Variants in LGALS14 observed in about 807,000 individuals in gnomAD.
LGALS14 encodes the protein placental protein 13-like.
A neutral mutation model predicts 14.6 loss-of-function variants in LGALS14; 14 were observed. The ratio of observed to expected loss-of-function variants is 0.96; its 90% CI spans 0.64 to 1.50. The LOEUF is 1.50. LGALS14 is among the 40% of genes most tolerant of loss of function. LGALS14 has a pLI of 0.00. For missense variants in LGALS14, 180 were observed against 172.0 expected (o/e 1.05, Z -0.26); for synonymous variants, 57 against 63.9 (o/e 0.89, Z 0.51).
rs570737997 is a variant in LGALS14, at chr19:39,709,299, C to A, written c.406C>A (p.Leu136Ile). ...VFRDISLTRV[L>I]ISD is the part of the protein sequence containing the mutation. ...CAGAGATATCTCCCTGACCAGAGTG[C>A]TTATCAGCGATTGAGGGAGATGATC... is the stretch of plus-strand genomic sequence containing the variant. Residue 136 changes from leucine (L) to isoleucine (I), a missense_variant, in exon 4 of 4, where the codon CTT becomes ATT. Transcript: ENST00000392052. 2.8e-5 allele frequency: 45 copies of A among 1,583,248 alleles called. No homozygotes were observed. In the East Asian group the frequency reaches 9.6e-4, roughly 34 times the overall value.
chr19:39,704,525 A>G lies in LGALS14; in HGVS notation c.-4A>G. The G allele has an allele frequency of 6.2e-7, 1 of 1,613,758 alleles. No homozygotes were observed. The highest frequency in any genetic ancestry group is 1.1e-5 in the South Asian group (1 of 91,060). ...TCCGAAGAGCTGCCCAGAAGGAGAG[A>G]ACAATGTCATCACTACCCGTGAGTT... On this transcript the variant is annotated 5_prime_UTR_variant, in exon 1 of 4. Coordinates refer to ENST00000392052, the MANE Select transcript of LGALS14 (RefSeq NM_020129.3).
intron 3 of LGALS14, among the ~76,000 whole-genome samples, chr19:39,708,785 G>C (rs1973755408): frequency 6.6e-6 from 1 of 152,180 alleles, no homozygotes; most frequent in Non-Finnish European, 1.5e-5. Flanking sequence ...TGTGCCATCA[G>C]TAGTGAAAGG....
At chr19:39,707,942 C>G (rs184197405) in intron 3 of LGALS14, among the ~76,000 whole-genome samples, 11 of 151,940 alleles carry the variant, frequency 7.2e-5, no homozygotes, top group African/African-American at 2.2e-4. Flanking sequence ...CCCAAGTAGC[C>G]GGAATTACAG....
intron 3 of LGALS14, among the ~76,000 whole-genome samples, chr19:39,708,930 T>C (rs1973757393): frequency 6.6e-6 from 1 of 152,088 alleles, no homozygotes; most frequent in South Asian, 2.1e-4. Flanking sequence ...ATCTTCCAGG[T>C]TGGAAGGGAG....
Position 39,707,190 on chromosome 19 carries a change from G to A in LGALS14, c.105G>A (p.Gln35=). ...TPILTFVKDP[Q]LEVNFYTGMD... ...GCTTTGACCTCAGCAAGGACCCACAGCTGGAGGTGAATTTCTACACTGGGA... is the reference window on the plus strand; with the variant it reads ...GCTTTGACCTCAGCAAGGACCCACAACTGGAGGTGAATTTCTACACTGGGA... Residue 35 remains glutamine, a synonymous_variant, in exon 3 of 4, where the codon CAG becomes CAA. Coordinates refer to ENST00000392052, the MANE Select transcript of LGALS14 (RefSeq NM_020129.3). 1 of 1,613,916 alleles carries A rather than the reference G, an allele frequency of 6.2e-7. No individual in the cohort carries two copies. Among genetic ancestry groups the A allele is most frequent in the Non-Finnish European group, 8.5e-7 (1 of 1,179,836 alleles).
Position 39,709,291 on chromosome 19 carries a change from C to G in LGALS14, c.398C>G (p.Thr133Ser). 1 of 1,598,284 alleles carries G rather than the reference C, an allele frequency of 6.3e-7. No individual in the cohort carries two copies. The highest frequency in any genetic ancestry group is 8.6e-7 in the Non-Finnish European group (1 of 1,165,690). Residue 133 changes from threonine (T) to serine (S), a missense_variant, in exon 4 of 4, where the codon ACC becomes AGC. Coordinates refer to ENST00000392052, the MANE Select transcript of LGALS14 (RefSeq NM_020129.3). The stretch of plus-strand genomic sequence containing the variant: ...CAAGTCTTCAGAGATATCTCCCTGA[C>G]CAGAGTGCTTATCAGCGATTGAGGG... ...MLQVFRDISL[T>S]RVLISD
intron 3 of LGALS14, among the ~76,000 whole-genome samples, chr19:39,708,267 G>A (rs543812301): frequency 2.6e-5 from 4 of 152,078 alleles, no homozygotes; most frequent in African/African-American, 4.8e-5. Context: ...ATCAATCCAC[G>A]GTGCCGCTTC....
chr19:39,706,797 T>A, intron 2 of LGALS14, 124 bp downstream of exon 2: 1 of 836,904 alleles, frequency 1.2e-6, no homozygotes, highest in Middle Eastern at 2.3e-4. Context: ...CTCATGCAAG[T>A]GCAGGCCCTG....
intron 1 of LGALS14, 36 bp from the exon 2 acceptor site, chr19:39,706,561 C>T: frequency 1.3e-6 from 2 of 1,523,558 alleles, no homozygotes; most frequent in South Asian, 1.1e-5. Context: ...TTACACCTTA[C>T]CCTTTAGCTC....
chr19:39,706,624 C>T lies in LGALS14; in HGVS notation c.43C>T (p.Pro15Ser), dbSNP rs1973718110. The change falls in exon 2 of 4, where the codon CCT becomes TCT. Residue 15 changes from proline to serine, a missense_variant. Coordinates refer to ENST00000392052, the MANE Select transcript of LGALS14 (RefSeq NM_020129.3). ...ACCATACACACTGCCTGTTTCCTTG[C>T]CTGTTGGTTCGTGCGTGATAATCAC... ...PVPYTLPVSL[P>S]VGSCVIITGT... The T allele has an allele frequency of 6.2e-7, 1 of 1,613,878 alleles. No individual in the cohort carries two copies. Among genetic ancestry groups the T allele is most frequent in the African/African-American group, 1.3e-5 (1 of 74,918 alleles).
Position 39,707,191 on chromosome 19 carries a change from C to T in LGALS14, c.106C>T (p.Leu36=), listed in dbSNP as rs778890305. The change falls in exon 3 of 4, where the codon CTG becomes TTG. Residue 36 remains leucine (L), a synonymous_variant. Coordinates refer to ENST00000392052, the MANE Select transcript of LGALS14 (RefSeq NM_020129.3). The stretch of plus-strand genomic sequence containing the variant: ...CTTTGACCTCAGCAAGGACCCACAG[C>T]TGGAGGTGAATTTCTACACTGGGAT... ...PILTFVKDPQ[L]EVNFYTGMDE... is the part of the protein sequence containing the mutation. 3 of 1,613,828 alleles carry T rather than the reference C, an allele frequency of 1.9e-6. No individual in the cohort carries two copies. Among genetic ancestry groups the T allele is most frequent in the Non-Finnish European group, 2.5e-6 (3 of 1,179,768 alleles).
rs1973766404 is a variant in LGALS14, at chr19:39,709,433, A to G, written c.*120A>G. On this transcript the variant is annotated 3_prime_UTR_variant, in exon 4 of 4. Transcript: ENST00000392052. ...CCTTCCCCTACACTTGATCATTAAA[A>G]CAGCACCAAACTTCACATGATTGGT... 1 of 641,986 alleles carries G rather than the reference A, an allele frequency of 1.6e-6. No homozygotes were observed. Among genetic ancestry groups the G allele is most frequent in the African/African-American group, 1.8e-5 (1 of 55,226 alleles). The allele number at this position is 641,986 out of a possible 1,614,324, so 39.8% of individuals were successfully genotyped here. A position where few individuals can be genotyped will look rare whatever the true frequency, so the allele number is the denominator to read the frequency against.
chr19:39,705,778 G>C (rs371441994), intron 1 of LGALS14: 1 of 1,115,870 alleles, frequency 9.0e-7, no homozygotes, highest in African/African-American at 1.5e-5. Flanking sequence ...CCAGGAGTTC[G>C]ATGTTTCAGT....
rs139087297 is a variant in LGALS14, at chr19:39,704,656, G to A, written c.15+113G>A. 111 of 973,964 alleles carry A rather than the reference G, an allele frequency of 1.1e-4. No individual in the cohort carries two copies. In the East Asian group the frequency reaches 1.4e-3, roughly 13 times the overall value. 60.3% of individuals were successfully genotyped at this position (973,964 alleles called of 1,614,324 possible). A position where few individuals can be genotyped will look rare whatever the true frequency, so the allele number is the denominator to read the frequency against. ...GCATTCCTACTGTGAATGCATTACC[G>A]AGAGTTGTGGGTGTGTAGAAGAGAA... On this transcript the variant is annotated intron_variant, in intron 1 of 3. Coordinates refer to ENST00000392052, the MANE Select transcript of LGALS14 (RefSeq NM_020129.3).
chr19:39,707,148 T>A lies in LGALS14; in HGVS notation c.93-30T>A, dbSNP rs761240725. 2.6e-6 allele frequency: 4 copies of A among 1,558,102 alleles called. No homozygotes were observed. The South Asian group carries it at 4.5e-5, about 17-fold the overall frequency. Reference sequence around the variant, plus strand: ...TGTGTGTCTGCACAATGGGGGGACCTGCCCAACATGCTGTGTGCTTTGACC... The same window carrying A: ...TGTGTGTCTGCACAATGGGGGGACCAGCCCAACATGCTGTGTGCTTTGACC... On this transcript the variant is annotated intron_variant, in intron 2 of 3. Coordinates refer to ENST00000392052, the MANE Select transcript of LGALS14 (RefSeq NM_020129.3).
At chr19:39,704,619 T>C (rs1973689250) in intron 1 of LGALS14, 76 bp downstream of exon 1, 2 of 1,430,146 alleles carry the variant, frequency 1.4e-6, no homozygotes, top group Non-Finnish European at 2.0e-6. Flanking sequence ...GTTTTCTGAG[T>C]TGAAAATATG....
At chr19:39,706,386 G>C (rs1973714987) in intron 1 of LGALS14, among the ~76,000 whole-genome samples, 1 of 152,090 alleles carries the variant, frequency 6.6e-6, no homozygotes, top group South Asian at 2.1e-4. Context: ...ATGAGGACTG[G>C]AATCCAGGCA....
chr19:39,707,452 C>A, intron 3 of LGALS14, 64 bp downstream of exon 3: 1 of 1,354,328 alleles, frequency 7.4e-7, no homozygotes, highest in Non-Finnish European at 1.0e-6. Flanking sequence ...AGGCAGCTTT[C>A]ATTGACCTGG....
At chr19:39,707,473 C>T in intron 3 of LGALS14, 85 bp downstream of exon 3, 1 of 1,025,906 alleles carries the variant, frequency 9.7e-7, no homozygotes, top group Non-Finnish European at 1.5e-6. Flanking sequence ...TGCCACCAGT[C>T]CCTTGGGGCC....
Sources: gnomAD v4.1 joint callset for allele counts (sites outside exome capture counted in the v4.1 genomes callset) on GRCh38, gnomAD v4.1.1 for gene constraint, MANE v1.5 for transcripts, NCBI Gene and HGNC (gene_info 2026-07-23, HGNC 2026-07-21) for gene names.